Variants in SYNDIG1L observed in about 807,000 individuals in gnomAD.
The protein encoded by SYNDIG1L is synapse differentiation inducing 1 like, also known as synapse differentiation-inducing gene protein 1-like.
A neutral mutation model predicts 20.1 loss-of-function variants in SYNDIG1L; 13 were observed. That is an observed-to-expected ratio of 0.65 (90% CI 0.42 to 1.03). The LOEUF (loss-of-function observed/expected upper bound fraction) is 1.03. Among genes scored for constraint, SYNDIG1L ranks in the 50% least tolerant of loss-of-function variants. SYNDIG1L has a pLI of 0.00. For missense variants in SYNDIG1L, 294 were observed against 305.1 expected (o/e 0.96, Z 0.27); for synonymous variants, 128 against 129.3 (o/e 0.99, Z 0.07).
upstream of SYNDIG1L, among the ~76,000 whole-genome samples, chr14:74,429,283 G>C (rs114127413): frequency 6.6e-6 from 1 of 152,162 alleles, no homozygotes; most frequent in Admixed American, 6.5e-5. Context: ...GGATGCCCTC[G>C]TGTCCTCTTC....
At chr14:74,451,075 T>C in the SYNDIG1L span, among the ~76,000 whole-genome samples, 1 of 152,024 alleles carries the variant, frequency 6.6e-6, no homozygotes, top group Non-Finnish European at 1.5e-5. Flanking sequence ...TGGACAAATT[T>C]CTAAAATTCA....
intron 1 of SYNDIG1L, among the ~76,000 whole-genome samples, chr14:74,420,365 C>A (rs1384064628): frequency 6.9e-6 from 1 of 145,528 alleles, no homozygotes; most frequent in Non-Finnish European, 1.5e-5. Context: ...CACCCACCAG[C>A]CTGTGTGACA....
intron 2 of SYNDIG1L, 72 bp downstream of exon 2, chr14:74,409,256 T>C: frequency 1.7e-6 from 2 of 1,204,296 alleles, no homozygotes; most frequent in African/African-American, 3.1e-5. Flanking sequence ...TTTTCAATTT[T>C]TTTTTTTTGT....
chr14:74,440,409 G>A, the SYNDIG1L span, among the ~76,000 whole-genome samples: 1 of 152,052 alleles, frequency 6.6e-6, no homozygotes, highest in Non-Finnish European at 1.5e-5. Context: ...AGCTACCGGG[G>A]AGGCTGAGAC....
chr14:74,441,588 C>T, the SYNDIG1L span, among the ~76,000 whole-genome samples: 6 of 152,170 alleles, frequency 3.9e-5, no homozygotes, highest in Non-Finnish European at 7.3e-5. Context: ...TCACTGTAGC[C>T]TCGAATTCCT....
chr14:74,433,551 A>AT, the SYNDIG1L span, among the ~76,000 whole-genome samples: 1 of 151,960 alleles, frequency 6.6e-6, no homozygotes, highest in South Asian at 2.1e-4. Context: ...CACCTGGCTA[A>AT]TTTTTTGTAT....
At chr14:74,432,142 T>C in the SYNDIG1L span, among the ~76,000 whole-genome samples, 6 of 104,054 alleles carry the variant, frequency 5.8e-5, no homozygotes, top group South Asian at 1.6e-3. Context: ...CCTTGGAAGG[T>C]GTGTGTGTGT....
rs1312035776 is a variant in SYNDIG1L, at chr14:74,409,679, G to C, written c.66C>G (p.Pro22=). 6.7e-7 allele frequency: 1 copy of C among 1,487,706 alleles called. No individual in the cohort carries two copies. Among genetic ancestry groups the C allele is most frequent in the East Asian group, 2.4e-5 (1 of 41,878 alleles). The allele number at this position is 1,487,706 out of a possible 1,614,324, so 92.2% of individuals were successfully genotyped here. A position where few individuals can be genotyped will look rare whatever the true frequency, so the allele number is the denominator to read the frequency against. The change falls in exon 2 of 4, where the codon CCC becomes CCG. Residue 22 remains proline, a synonymous_variant. Transcript: ENST00000331628. ...LPRSPAHLHG[P]YPYPETPPSW... is the part of the protein sequence containing the mutation. ...TGGGTGGGGTCTCCGGGTAGGGATA[G>C]GGGCCATGGAGATGGGCAGGGCTCC...
chr14:74,439,139 C>T, the SYNDIG1L span, among the ~76,000 whole-genome samples: 1 of 147,166 alleles, frequency 6.8e-6, no homozygotes, highest in Non-Finnish European at 1.5e-5. Flanking sequence ...AAAAAAGGCT[C>T]AGCTCGGGGG....
chr14:74,428,935 T>C (rs1471576876), upstream of SYNDIG1L, among the ~76,000 whole-genome samples: 1 of 152,188 alleles, frequency 6.6e-6, no homozygotes, highest in Non-Finnish European at 1.5e-5. Context: ...GCTGGGAAGC[T>C]AATGCTATTT....
chr14:74,432,180 T>TGTGTGTGTGTGAGAGA, the SYNDIG1L span, among the ~76,000 whole-genome samples: 36 of 124,154 alleles, frequency 2.9e-4, no homozygotes, highest in Admixed American at 2.9e-3. Flanking sequence ...TGTGTGTGTG[T>TGTGTGTGTGTGAGAGA]GAGAGAGAGA....
rs1253855586 is a variant in SYNDIG1L at position 74,406,007 on chromosome 14, G to C, written c.*1528C>G. ...GCAGTGCCCGAGGCAGGGGAGGACA[G>C]TGGGACAAGGGATGCTCAGTGGTGG... On this transcript the variant is annotated 3_prime_UTR_variant, in exon 4 of 4. Transcript: ENST00000331628. 2 of 398,894 alleles carry C rather than the reference G, an allele frequency of 5.0e-6. No individual in the cohort carries two copies. Among genetic ancestry groups the C allele is most frequent in the Non-Finnish European group, 4.4e-6 (1 of 226,360 alleles). 24.7% of individuals were successfully genotyped at this position (398,894 alleles called of 1,614,324 possible). A position where few individuals can be genotyped will look rare whatever the true frequency, so the allele number is the denominator to read the frequency against.
the SYNDIG1L span, among the ~76,000 whole-genome samples, chr14:74,439,082 C>T: frequency 1.4e-5 from 2 of 141,138 alleles, no homozygotes; most frequent in Non-Finnish European, 3.0e-5. Context: ...CCATTGCACT[C>T]TAGCTTGGGT....
chr14:74,461,121 G>A, the SYNDIG1L span, among the ~76,000 whole-genome samples: 214 of 150,578 alleles, frequency 1.4e-3, 2 homozygotes, highest in South Asian at 0.014. Flanking sequence ...TGCAGAGACC[G>A]AGGGGACTAC....
the SYNDIG1L span, among the ~76,000 whole-genome samples, chr14:74,463,479 A>G: frequency 2.0e-5 from 3 of 152,112 alleles, no homozygotes; most frequent in Non-Finnish European, 4.4e-5. Context: ...TGCCAGCCCC[A>G]TAGACTGTCT....
Position 74,407,632 on chromosome 14 carries a change from A to T in SYNDIG1L, c.620T>A (p.Leu207His). 6.2e-7 allele frequency: 1 copy of T among 1,613,968 alleles called. No homozygotes were observed. Among genetic ancestry groups the T allele is most frequent in the Non-Finnish European group, 8.5e-7 (1 of 1,179,894 alleles). Residue 207 changes from leucine to histidine, a missense_variant, in exon 4 of 4, where the codon CTC (leucine) becomes CAC (histidine). Transcript: ENST00000331628. ...GGCGATGGCGAGTGTGGCTAGGAAGAGGGCCCGGCGGGAGGTGGTGCTGGC... is the reference window on the plus strand; with the variant it reads ...GGCGATGGCGAGTGTGGCTAGGAAGTGGGCCCGGCGGGAGGTGGTGCTGGC... Reference protein sequence around the residue: ...RLASTTSRRALFLATLAIAVG... With the variant: ...RLASTTSRRAHFLATLAIAVG...
the SYNDIG1L span, among the ~76,000 whole-genome samples, chr14:74,455,491 G>T: frequency 6.7e-6 from 1 of 149,746 alleles, no homozygotes; most frequent in Admixed American, 6.7e-5. Context: ...CTCCTCCCAA[G>T]TTCAAGCGAT....
chr14:74,449,504 C>G, the SYNDIG1L span, among the ~76,000 whole-genome samples: 6 of 122,880 alleles, frequency 4.9e-5, no homozygotes, highest in Non-Finnish European at 6.6e-5. Flanking sequence ...CCTAACTACT[C>G]AGGAGGCTGA....
Position 74,409,430 on chromosome 14 carries a change from G to A in SYNDIG1L, c.315C>T (p.Pro105=). 6.2e-7 allele frequency: 1 copy of A among 1,613,752 alleles called. No homozygotes were observed. Among genetic ancestry groups the A allele is most frequent in the South Asian group, 1.1e-5 (1 of 91,072 alleles). Residue 105 remains proline, a synonymous_variant, in exon 2 of 4, where the codon CCC becomes CCT. Transcript: ENST00000331628. ...REPQEGPPEQ[P]TGPGQAAENV... ...TCTCTGCAGCTTGGCCAGGTCCTGT[G>A]GGCTGCTCTGGAGGCCCCTCCTGGG...
Sources: allele counts gnomAD v4.1 joint callset (sites outside exome capture counted in the v4.1 genomes callset), GRCh38; gene constraint gnomAD v4.1.1; transcripts MANE v1.5; gene names NCBI Gene and HGNC (gene_info 2026-07-23, HGNC 2026-07-21).